Variants in PLCD1 observed in about 807,000 individuals in gnomAD.
The protein encoded by PLCD1 is phospholipase C delta 1.
A neutral mutation model predicts 87.4 loss-of-function variants in PLCD1; 71 were observed. The ratio of observed to expected loss-of-function variants is 0.81; its 90% CI spans 0.67 to 0.99. The LOEUF (loss-of-function observed/expected upper bound fraction) is 0.99, where lower values mean the gene tolerates loss of function less well. PLCD1 is among the 50% of genes least tolerant of loss of function. PLCD1 has a pLI of 0.00. For synonymous variants in PLCD1, 348 were observed against 399.2 expected (o/e 0.87, Z 1.53); for missense variants, 867 against 1,001.5 (o/e 0.87, Z 1.81).
At position 38,008,383 on chromosome 3, in the gene PLCD1, G is replaced by A. The variant is rs765338144; in HGVS notation, c.1903-16C>T. 6 of 1,614,088 alleles carry A rather than the reference G, an allele frequency of 3.7e-6. No homozygotes were observed. The highest frequency in any genetic ancestry group is 5.1e-6 in the Non-Finnish European group (6 of 1,180,044). ...CCGAAATGACCTGAGGAAAGGCAGA[G>A]GACAATGGACAGTTCAGGAGTGGTA... On this transcript the variant is annotated splice_polypyrimidine_tract_variant and intron_variant, in intron 12 of 14. Coordinates refer to ENST00000334661, the MANE Select transcript of PLCD1 (RefSeq NM_006225.4).
chr3:38,007,978 C>A (rs1485238145), intron 14 of PLCD1, 36 bp downstream of exon 14: 16 of 1,613,756 alleles, frequency 9.9e-6, no homozygotes, highest in Non-Finnish European at 1.4e-5. Context: ...GCCCTGCTTC[C>A]CACCACCTTG....
At chr3:38,029,404 G>A (rs1356899778) in intron 1 of PLCD1, 102 bp downstream of exon 1, 2 of 1,037,956 alleles carry the variant, frequency 1.9e-6, no homozygotes, top group Non-Finnish European at 2.9e-6. Context: ...GGGTGGTGTG[G>A]AGGCGGCCGA....
rs1700043474 is a variant in PLCD1 at position 38,009,994 on chromosome 3, G to A, written c.1197C>T (p.Arg399=). 5.0e-6 allele frequency: 8 copies of A among 1,614,090 alleles called. No individual in the cohort carries two copies. The highest frequency in any genetic ancestry group is 6.8e-6 in the Non-Finnish European group (8 of 1,179,948). The change falls in exon 8 of 15, where the codon CGC becomes CGT. Residue 399 remains arginine (R), a synonymous_variant. Transcript: ENST00000334661. ...LENHCTLEQQ[R]VMARHLHAIL... ...TGGCATGCAGGTGCCGCGCCATCACGCGCTGCTGCTCCAGTGTGCAGTGGT... is the reference window on the plus strand; with the variant it reads ...TGGCATGCAGGTGCCGCGCCATCACACGCTGCTGCTCCAGTGTGCAGTGGT...
chr3:38,011,317 C>T lies in PLCD1; in HGVS notation c.687G>A (p.Ser229=), dbSNP rs369781661. The T allele has an allele frequency of 5.0e-5, 81 of 1,612,238 alleles. No homozygotes were observed. The highest frequency in any genetic ancestry group is 9.3e-5 in the African/African-American group (7 of 75,012). Residue 229 remains serine, a synonymous_variant, in exon 5 of 15, where the codon TCG becomes TCA. Coordinates refer to ENST00000334661, the MANE Select transcript of PLCD1 (RefSeq NM_006225.4). Reference sequence around the variant, plus strand: ...GCAGGAACGTCACTAACTGATCCACCGACAGAGTCTCCCCTGAGCCCGCGG... The same window carrying T: ...GCAGGAACGTCACTAACTGATCCACTGACAGAGTCTCCCCTGAGCCCGCGG... ...AEAAGSGETL[S]VDQLVTFLQH... is the part of the protein sequence containing the mutation.
chr3:38,020,271 T>C lies in PLCD1; in HGVS notation c.116A>G (p.Glu39Gly). The C allele has an allele frequency of 6.2e-7, 1 of 1,613,956 alleles. No individual in the cohort carries two copies. The highest frequency in any genetic ancestry group is 8.5e-7 in the Non-Finnish European group (1 of 1,179,894). Reference sequence around the variant, plus strand: ...GTCCTCCTGCAACTTGTAGAAGCGCTCTCTCCTCCATGAGCTGGACTTCAC... The same window carrying C: ...GTCCTCCTGCAACTTGTAGAAGCGCCCTCTCCTCCATGAGCTGGACTTCAC... ...LKVKSSSWRRERFYKLQEDCK... is the reference protein window; with the variant it reads ...LKVKSSSWRRGRFYKLQEDCK... The change falls in exon 2 of 15, where the codon GAG becomes GGG. Residue 39 changes from glutamate (E) to glycine (G), a missense_variant. Glu to Gly is a moderately conservative substitution (Grantham distance 98, BLOSUM62 -2). Coordinates refer to ENST00000334661, the MANE Select transcript of PLCD1 (RefSeq NM_006225.4).
intron 3 of PLCD1, chr3:38,014,681 A>G (rs1303232469): frequency 6.5e-6 from 1 of 153,476 alleles, no homozygotes; most frequent in African/African-American, 2.4e-5. Context: ...AAACCCATCA[A>G]GAAAGAGAAA....
chr3:38,028,915 G>A (rs1315092120), intron 1 of PLCD1, among the ~76,000 whole-genome samples: 2 of 152,256 alleles, frequency 1.3e-5, no homozygotes, highest in African/African-American at 4.8e-5. Context: ...GAGGAGGGTC[G>A]CAGATGAGGG....
At chr3:38,024,270 G>A (rs753092549) in intron 1 of PLCD1, 8 of 1,418,434 alleles carry the variant, frequency 5.6e-6, no homozygotes, top group East Asian at 2.4e-5. Flanking sequence ...AGGGACAAGT[G>A]GTCGGCGTCC....
At position 38,007,867 on chromosome 3, in the gene PLCD1, T is replaced by C. The variant is rs760314427; in HGVS notation, c.2186-9A>G. 5 of 1,613,104 alleles carry C rather than the reference T, an allele frequency of 3.1e-6. No homozygotes were observed. The African/African-American group carries it at 4.0e-5, about 13-fold the overall frequency. On this transcript the variant is annotated splice_polypyrimidine_tract_variant and intron_variant, in intron 14 of 14. Transcript: ENST00000334661. ...GTGGACATGGCGGTATCCTGGTGGG[T>C]GGACAGGCAGGAGGGAACACAGAGA...
Position 38,011,537 on chromosome 3 carries a change from G to C in PLCD1, c.558+7C>G. The C allele has an allele frequency of 6.2e-7, 1 of 1,614,154 alleles. No individual in the cohort carries two copies. Among genetic ancestry groups the C allele is most frequent in the South Asian group, 1.1e-5 (1 of 91,066 alleles). ...CAGGCAGCCCCAGCCCCCACTTCCT[G>C]CCTCACCCTGAAGATCTTCCGGGCA... On this transcript the variant is annotated splice_region_variant and intron_variant, in intron 4 of 14. Coordinates refer to ENST00000334661, the MANE Select transcript of PLCD1 (RefSeq NM_006225.4).
In PLCD1 at chr3:38,009,169, G is replaced by A. The variant is rs201922672; in HGVS notation, c.1607-11C>T. 4.9e-5 allele frequency: 79 copies of A among 1,613,652 alleles called. No individual in the cohort carries two copies. The African/African-American group carries it at 6.4e-4, about 13-fold the overall frequency. ...GGACAAAGCCGTTTCCTGAGGGGAG[G>A]TGTGGTTCGGTCAGCAGTGGAGGCC... On this transcript the variant is annotated splice_polypyrimidine_tract_variant and intron_variant, in intron 10 of 14. Coordinates refer to ENST00000334661, the MANE Select transcript of PLCD1 (RefSeq NM_006225.4).
chr3:38,024,079 G>A (rs759751038), intron 1 of PLCD1: 8 of 492,466 alleles, frequency 1.6e-5, no homozygotes, highest in African/African-American at 4.0e-5. Flanking sequence ...GGAAGGCGTC[G>A]GGTGACAAGG....
intron 3 of PLCD1, among the ~76,000 whole-genome samples, chr3:38,015,505 GTGA>G (rs1199773788): frequency 6.6e-6 from 1 of 152,200 alleles, no homozygotes; most frequent in Non-Finnish European, 1.5e-5. Flanking sequence ...AAAATTGATT[GTGA>G]TGATGGCTGC....
rs547852984 is a variant in PLCD1 at position 38,011,872 on chromosome 3, C to T, written c.429-199G>A. 2.5e-3 allele frequency among the ~76,000 whole-genome samples: 379 copies of T among 152,244 alleles called. 2 individuals are homozygous for T. The highest frequency in any genetic ancestry group is 8.5e-3 in the African/African-American group (351 of 41,532). On this transcript the variant is annotated intron_variant, in intron 3 of 14. Transcript: ENST00000334661. ...TCTATTTGCTGGTTTTCAAACCTTT[C>T]AAAATTTTTAAAACATTTCTTTTCT...
chr3:38,015,307 C>T (rs1406523300), intron 3 of PLCD1, among the ~76,000 whole-genome samples: 1 of 152,170 alleles, frequency 6.6e-6, no homozygotes, highest in Non-Finnish European at 1.5e-5. Flanking sequence ...ATATTGCAAA[C>T]ATCACGCTAA....
chr3:38,016,255 G>A (rs1045684713), intron 3 of PLCD1, among the ~76,000 whole-genome samples: 1 of 152,184 alleles, frequency 6.6e-6, no homozygotes, highest in Admixed American at 6.5e-5. Flanking sequence ...CAAGAAGACA[G>A]TCATCTGCCA....
At chr3:38,024,819 C>A in intron 1 of PLCD1, 1 of 1,072,792 alleles carries the variant, frequency 9.3e-7, no homozygotes, top group Non-Finnish European at 1.2e-6. Context: ...AGTCAGACCC[C>A]AAAAGGCTGG....
rs1179327993 is a variant in PLCD1, at chr3:38,016,619, G to A, written c.300C>T (p.Val100=). Residue 100 remains valine, a synonymous_variant, in exon 3 of 15, where the codon GTC becomes GTT. Coordinates refer to ENST00000334661, the MANE Select transcript of PLCD1 (RefSeq NM_006225.4). ...CTAGTGTATTGCGCTGGTCCTTGAA[G>A]ACAATGGAGAAGCAGCGGTCCTCGG... ...DVPEDRCFSI[V]FKDQRNTLDL... 1.2e-6 allele frequency: 2 copies of A among 1,613,072 alleles called. No homozygotes were observed. The highest frequency in any genetic ancestry group is 2.7e-5 in the African/African-American group (2 of 74,932).
chr3:38,024,552 G>A lies in PLCD1; in HGVS notation c.35-4200C>T, dbSNP rs545464865. On this transcript the variant is annotated intron_variant, in intron 1 of 14. Transcript: ENST00000334661. ...GGGGGCGGAACTGTCGCCCTTGGAG[G>A]GGAGCAGGGGCGGAGTCCAGGAATG... The A allele has an allele frequency of 6.6e-6, 10 of 1,509,380 alleles. No individual in the cohort carries two copies. In the African/African-American group the frequency reaches 1.4e-4, roughly 21 times the overall value. 93.5% of individuals were successfully genotyped at this position (1,509,380 alleles called of 1,614,324 possible). A position where few individuals can be genotyped will look rare whatever the true frequency, so the allele number is the denominator to read the frequency against.
Sources: gnomAD v4.1 joint callset for allele counts (sites outside exome capture counted in the v4.1 genomes callset) on GRCh38, gnomAD v4.1.1 for gene constraint, MANE v1.5 for transcripts, NCBI Gene and HGNC (gene_info 2026-07-23, HGNC 2026-07-21) for gene names.